The following MACROD2 variants were observed in gnomAD, a reference collection of about 807,000 sequenced individuals.
The protein encoded by MACROD2 is mono-ADP ribosylhydrolase 2.
A neutral mutation model predicts 70.4 loss-of-function variants in MACROD2; 36 were observed. That is an observed-to-expected ratio of 0.51 (90% CI 0.39 to 0.68). The LOEUF (loss-of-function observed/expected upper bound fraction) is 0.68, where lower values mean the gene tolerates loss of function less well. Among genes scored for constraint, MACROD2 ranks in the 30% least tolerant of loss-of-function variants. The pLI, the probability that MACROD2 is intolerant of heterozygous loss-of-function variation, is 0.00. For synonymous variants in MACROD2, 172 were observed against 178.8 expected (o/e 0.96, Z 0.30); for missense variants, 496 against 538.4 (o/e 0.92, Z 0.78).
chr20:15,637,896 G>A (rs902840224), intron 8 of MACROD2, among the ~76,000 whole-genome samples: 2 of 152,158 alleles, frequency 1.3e-5, no homozygotes, highest in African/African-American at 4.8e-5. Context: ...TGCCTAATAA[G>A]TAACTAAAGT....
chr20:14,246,982 CT>C (rs1368952384), intron 3 of MACROD2, among the ~76,000 whole-genome samples: 2 of 152,016 alleles, frequency 1.3e-5, no homozygotes, highest in Admixed American at 6.6e-5. Context: ...CCAGAATATC[CT>C]TTTGTCTCCT....
chr20:14,696,925 G>C (rs6135223), intron 5 of MACROD2, among the ~76,000 whole-genome samples: 52,230 of 151,990 alleles, frequency 0.34, 9,550 homozygotes, highest in East Asian at 0.6. Context: ...CCTATACTTA[G>C]TACAGTATAT....
chr20:14,559,104 A>C (rs1177068110), intron 4 of MACROD2, among the ~76,000 whole-genome samples: 1 of 151,744 alleles, frequency 6.6e-6, no homozygotes, highest in African/African-American at 2.4e-5. Context: ...CTACCTAAAG[A>C]GATAGTATGA....
At chr20:15,673,341 C>T (rs1295486223) in intron 8 of MACROD2, among the ~76,000 whole-genome samples, 2 of 152,178 alleles carry the variant, frequency 1.3e-5, no homozygotes, top group Non-Finnish European at 2.9e-5. Flanking sequence ...TTTTTAAATA[C>T]TTGCCAATTA....
intron 5 of MACROD2, among the ~76,000 whole-genome samples, chr20:14,900,645 A>G (rs2073884353): frequency 6.6e-6 from 1 of 151,910 alleles, no homozygotes; most frequent in Admixed American, 6.5e-5. Context: ...CTGCGAGGTC[A>G]GTAGTAATGT....
chr20:15,743,299 T>C (rs911166977), intron 8 of MACROD2, among the ~76,000 whole-genome samples: 5 of 152,138 alleles, frequency 3.3e-5, no homozygotes, highest in Admixed American at 1.3e-4. Context: ...ATGCTATCCC[T>C]CATCTATCAC....
chr20:15,704,571 A>G (rs996970874), intron 8 of MACROD2, among the ~76,000 whole-genome samples: 8 of 152,206 alleles, frequency 5.3e-5, no homozygotes, highest in Admixed American at 5.2e-4. Context: ...TGAATCATGT[A>G]GGGACCTAGT....
intron 3 of MACROD2, among the ~76,000 whole-genome samples, chr20:14,130,927 T>A (rs536618494): frequency 2.5e-5 from 3 of 119,452 alleles, no homozygotes; most frequent in Admixed American, 2.5e-4. Flanking sequence ...TTGTGTTTTT[T>A]TTGTTTTTTT....
chr20:14,335,228 A>G (rs1312617899), intron 3 of MACROD2, among the ~76,000 whole-genome samples: 1 of 152,154 alleles, frequency 6.6e-6, no homozygotes. Flanking sequence ...TCATCTAGAG[A>G]GACTGAGTGT....
chr20:14,566,205 A>G (rs2423821), intron 4 of MACROD2, among the ~76,000 whole-genome samples: 105,866 of 151,884 alleles, frequency 0.7, 37,829 homozygotes, highest in East Asian at 0.93. Context: ...AAAAATGGGC[A>G]AAGGGCATGA....
chr20:15,829,485 T>C lies in MACROD2; in HGVS notation c.646-33260T>C, dbSNP rs758087101. Reference sequence around the variant, plus strand: ...CGTAGATACTATAAACTACGTGTAATGACAACTGTGATCTCCTGGTCCCAC... The same window carrying C: ...CGTAGATACTATAAACTACGTGTAACGACAACTGTGATCTCCTGGTCCCAC... On this transcript the variant is annotated intron_variant, in intron 8 of 17. Transcript: ENST00000684519. Among the ~76,000 whole-genome samples, 8 of 152,246 alleles carry C rather than the reference T, an allele frequency of 5.3e-5. No individual in the cohort carries two copies. In the South Asian group the frequency reaches 1.4e-3, roughly 28 times the overall value.
In MACROD2 at chr20:15,965,107, A is replaced by G. The variant is rs75389187; in HGVS notation, c.908-2446A>G. On this transcript the variant is annotated intron_variant, in intron 12 of 17. Coordinates refer to ENST00000684519, the MANE Select transcript of MACROD2 (RefSeq NM_001351661.2). ...AAAGTCAGGACATGTCTTAGAATTG[A>G]TAATGTGTTATAGTGCATCTGGCAG... Among the ~76,000 whole-genome samples the G allele has an allele frequency of 7.6e-3, 1,155 of 152,320 alleles. 24 individuals are homozygous for G. Among genetic ancestry groups the G allele is most frequent in the African/African-American group, 0.026 (1,093 of 41,574 alleles).
Position 15,967,634 on chromosome 20 carries a change from G to T in MACROD2, c.985+4G>T, listed in dbSNP as rs2066161722. The T allele has an allele frequency of 5.1e-6, 8 of 1,568,856 alleles. No homozygotes were observed. The highest frequency in any genetic ancestry group is 6.9e-6 in the Non-Finnish European group (8 of 1,156,000). On this transcript the variant is annotated splice_donor_region_variant and intron_variant, in intron 13 of 17. Coordinates refer to ENST00000684519, the MANE Select transcript of MACROD2 (RefSeq NM_001351661.2). ...CGTGACCAAGATCATCCCGATGGTA[G>T]GTTGTGAAATCCTTTATTAGATTTT...
chr20:15,045,442 C>A (rs1055795287), intron 5 of MACROD2, among the ~76,000 whole-genome samples: 16 of 152,070 alleles, frequency 1.1e-4, no homozygotes, highest in African/African-American at 3.4e-4. Flanking sequence ...ATTTGAGGCC[C>A]GGGGGAGAAA....
At chr20:15,323,843 C>A (rs1258631646) in intron 6 of MACROD2, among the ~76,000 whole-genome samples, 2 of 152,116 alleles carry the variant, frequency 1.3e-5, no homozygotes, top group Non-Finnish European at 2.9e-5. Context: ...CCTCCTTTAC[C>A]CTCACCCCAG....
At chr20:15,964,044 A>G (rs1038514975) in intron 12 of MACROD2, among the ~76,000 whole-genome samples, 1 of 152,212 alleles carries the variant, frequency 6.6e-6, no homozygotes, top group African/African-American at 2.4e-5. Context: ...CATTGACTGA[A>G]TCTCAGAATT....
At chr20:15,432,047 C>A (rs2046369593) in intron 7 of MACROD2, among the ~76,000 whole-genome samples, 1 of 151,928 alleles carries the variant, frequency 6.6e-6, no homozygotes, top group Admixed American at 6.6e-5. Context: ...TTCCACCTAC[C>A]TACAAGAACT....
At chr20:15,038,384 A>C (rs2075330297) in intron 5 of MACROD2, among the ~76,000 whole-genome samples, 1 of 152,180 alleles carries the variant, frequency 6.6e-6, no homozygotes, top group Non-Finnish European at 1.5e-5. Context: ...GTTGTAAATG[A>C]CGTTTTATTT....
intron 3 of MACROD2, among the ~76,000 whole-genome samples, chr20:14,233,519 C>T (rs1233353676): frequency 2.6e-5 from 3 of 116,390 alleles, no homozygotes; most frequent in Non-Finnish European, 5.6e-5. Context: ...GGTGAAACCC[C>T]GTCTCTACTA....
Sources: allele counts gnomAD v4.1 joint callset (sites outside exome capture counted in the v4.1 genomes callset), GRCh38; gene constraint gnomAD v4.1.1; transcripts MANE v1.5; gene names NCBI Gene and HGNC (gene_info 2026-07-23, HGNC 2026-07-21).